Variants in ATG7 observed in about 807,000 individuals in gnomAD.
ATG7 encodes the protein autophagy related 7.
Under a neutral mutation model 82.4 loss-of-function variants are expected in ATG7, and 70 were observed. The ratio of observed to expected loss-of-function variants is 0.85; its 90% CI spans 0.70 to 1.04. The LOEUF is 1.04. Among genes scored for constraint, ATG7 ranks in the 50% least tolerant of loss-of-function variants. ATG7 has a pLI of 0.00. For missense variants in ATG7, 792 were observed against 864.3 expected, an observed-to-expected ratio of 0.92 and a Z score of 1.05; for synonymous variants, 287 against 313.0, an observed-to-expected ratio of 0.92 and a Z score of 0.88.
At chr3:11,481,429 G>A (rs915350019) in intron 20 of ATG7, among the ~76,000 whole-genome samples, 2 of 152,094 alleles carry the variant, frequency 1.3e-5, no homozygotes, top group Non-Finnish European at 2.9e-5. Context: ...ATTTCCCCTA[G>A]CAAAATGTAA....
intron 20 of ATG7, among the ~76,000 whole-genome samples, chr3:11,462,948 C>T (rs371753696): frequency 4.0e-5 from 6 of 151,364 alleles, no homozygotes; most frequent in East Asian, 3.9e-4. Context: ...TGTAATGGTG[C>T]GATCTCTGCT....
chr3:11,335,871 G>C (rs13059407), intron 11 of ATG7, among the ~76,000 whole-genome samples: 31,064 of 151,650 alleles, frequency 0.2, 3,562 homozygotes, highest in South Asian at 0.35. Flanking sequence ...CTAAGTTTTT[G>C]TATCTTTAGT....
intron 19 of ATG7, among the ~76,000 whole-genome samples, chr3:11,415,615 C>CT (rs1319332371): frequency 6.6e-6 from 1 of 152,000 alleles, no homozygotes; most frequent in Non-Finnish European, 1.5e-5. Context: ...ACACATTAGC[C>CT]TACGCCTACT....
intron 20 of ATG7, among the ~76,000 whole-genome samples, chr3:11,516,208 A>G (rs555068302): frequency 4.6e-5 from 7 of 152,200 alleles, no homozygotes; most frequent in Non-Finnish European, 1.0e-4. Context: ...AAGATGTTCC[A>G]ATAGCATTAG....
intron 20 of ATG7, among the ~76,000 whole-genome samples, chr3:11,451,806 A>AC (rs2085176275): frequency 6.8e-6 from 1 of 148,042 alleles, no homozygotes; most frequent in Non-Finnish European, 1.5e-5. Context: ...AAAACAAATT[A>AC]AAAAAACCCC....
At chr3:11,415,599 C>T (rs1337040842) in intron 19 of ATG7, among the ~76,000 whole-genome samples, 1 of 152,014 alleles carries the variant, frequency 6.6e-6, no homozygotes, top group African/African-American at 2.4e-5. Context: ...AACTAAGACA[C>T]AACATACACA....
chr3:11,295,839 T>C (rs906696011), intron 3 of ATG7, among the ~76,000 whole-genome samples: 1 of 150,638 alleles, frequency 6.6e-6, no homozygotes, highest in African/African-American at 2.5e-5. Flanking sequence ...CAGGCTGGAG[T>C]GCAATGGCAC....
rs965502175 is a variant in ATG7 at position 11,411,428 on chromosome 3, A to G, written c.1957-15376A>G. Among the ~76,000 whole-genome samples, 3 of 152,046 alleles carry G rather than the reference A, an allele frequency of 2.0e-5. No individual in the cohort carries two copies. In the East Asian group the frequency reaches 5.8e-4, roughly 29 times the overall value. The stretch of plus-strand genomic sequence containing the variant: ...ATCATGAGGTCAAGAGATGGAGACC[A>G]TCCTGGCCAACATGGTGAAACCCCG... On this transcript the variant is annotated intron_variant, in intron 19 of 20. Coordinates refer to ENST00000693202, the MANE Select transcript of ATG7 (RefSeq NM_001349232.2).
intron 20 of ATG7, among the ~76,000 whole-genome samples, chr3:11,508,777 T>C (rs1384079074): frequency 6.6e-6 from 1 of 152,164 alleles, no homozygotes. Context: ...GAACTAATAA[T>C]CCTCAGTTCT....
At chr3:11,505,855 G>T (rs1440434886) in intron 20 of ATG7, among the ~76,000 whole-genome samples, 3 of 152,204 alleles carry the variant, frequency 2.0e-5, no homozygotes, top group African/African-American at 7.2e-5. Context: ...TCTGTCTGGA[G>T]GCATTCAGAG....
At chr3:11,569,633 C>A in the ATG7 span, among the ~76,000 whole-genome samples, 41 of 152,358 alleles carry the variant, frequency 2.7e-4, no homozygotes, top group African/African-American at 9.1e-4. Flanking sequence ...GCCCTTTCGT[C>A]CTCTCTCTCC....
In ATG7 at chr3:11,538,706, ATT is replaced by A. The variant is rs1347714827; in HGVS notation, c.2080-16104_2080-16103del. Reference sequence around the variant, plus strand: ...AAAAAAAAAAAAAAAAAAAAAAAAAATTAGCCAAAAAAAAAAAAAAAGCCAGA... The same window carrying A: ...AAAAAAAAAAAAAAAAAAAAAAAAAAAGCCAAAAAAAAAAAAAAAGCCAGA... On this transcript the variant is annotated intron_variant, in intron 20 of 20. Transcript: ENST00000693202. Among the ~76,000 whole-genome samples the A allele has an allele frequency of 1.2e-3, 113 of 96,484 alleles. 1 individual carries two copies. Among genetic ancestry groups the A allele is most frequent in the African/African-American group, 4.7e-3 (102 of 21,880 alleles). The allele number at this position is 96,484 out of a possible 152,430, so 63.3% of individuals were successfully genotyped here. A position where few individuals can be genotyped will look rare whatever the true frequency, so the allele number is the denominator to read the frequency against.
chr3:11,411,619 C>CAAAAAAAAAAAAAAAAAAAAAAAAAA (rs71055868), intron 19 of ATG7, among the ~76,000 whole-genome samples: 1 of 71,766 alleles, frequency 1.4e-5, no homozygotes, highest in African/African-American at 4.6e-5. Context: ...ACTCTGTCTC[C>CAAAAAAAAAAAAAAAAAAAAAAAAAA]AAAAAAAAAA....
Position 11,511,782 on chromosome 3 carries a change from A to G in ATG7, c.2080-43029A>G, listed in dbSNP as rs184915249. ...GGCCCAGCGAGAAATCGAGCACAGC[A>G]CCGGTGGGCTGGTACTGCTGGGGTA... is the stretch of plus-strand genomic sequence containing the variant. On this transcript the variant is annotated intron_variant, in intron 20 of 20. Coordinates refer to ENST00000693202, the MANE Select transcript of ATG7 (RefSeq NM_001349232.2). 3.5e-3 allele frequency among the ~76,000 whole-genome samples: 529 copies of G among 152,244 alleles called. 10 individuals are homozygous for G. In the East Asian group the frequency reaches 0.04, roughly 11 times the overall value.
chr3:11,452,384 CAA>C (rs34530409), intron 20 of ATG7, among the ~76,000 whole-genome samples: 221 of 58,372 alleles, frequency 3.8e-3, no homozygotes, highest in African/African-American at 0.016. Flanking sequence ...GAACCTGTCT[CAA>C]AAAAAAAAAA....
At chr3:11,409,423 T>A (rs1368526175) in intron 19 of ATG7, among the ~76,000 whole-genome samples, 1 of 152,226 alleles carries the variant, frequency 6.6e-6, no homozygotes, top group African/African-American at 2.4e-5. Flanking sequence ...TGCCAGACGA[T>A]CTTGCCCAAC....
At chr3:11,276,944 C>T (rs879722887) in intron 1 of ATG7, among the ~76,000 whole-genome samples, 6 of 152,166 alleles carry the variant, frequency 3.9e-5, no homozygotes, top group East Asian at 1.9e-4. Context: ...TTGAACCTGC[C>T]GTTCTTTCTC....
intron 3 of ATG7, among the ~76,000 whole-genome samples, chr3:11,296,124 G>A (rs576059713): frequency 6.6e-6 from 1 of 152,268 alleles, no homozygotes; most frequent in Admixed American, 6.5e-5. Flanking sequence ...CATTCTCTAG[G>A]ACTTTGTGGG....
chr3:11,469,283 C>G (rs1314292930), intron 20 of ATG7, among the ~76,000 whole-genome samples: 1 of 152,090 alleles, frequency 6.6e-6, no homozygotes, highest in Non-Finnish European at 1.5e-5. Context: ...AACCCCATCT[C>G]TACTAAGAAT....
Sources: allele counts gnomAD v4.1 joint callset (sites outside exome capture counted in the v4.1 genomes callset), GRCh38; gene constraint gnomAD v4.1.1; transcripts MANE v1.5; gene names NCBI Gene and HGNC (gene_info 2026-07-23, HGNC 2026-07-21).